The following DEK variants were observed in gnomAD, a reference collection of about 807,000 sequenced individuals.
DEK encodes DEK proto-oncogene.
Under a neutral mutation model 46.8 loss-of-function variants are expected in DEK, and 28 were observed. The ratio of observed to expected loss-of-function variants is 0.60; its 90% CI spans 0.44 to 0.82. DEK has a LOEUF of 0.82. Ranked by LOEUF, DEK falls within the 40% of genes least tolerant of loss-of-function variation. The probability of loss-of-function intolerance (pLI) is 0.00; values close to 1 mark genes in which losing one functional copy is unlikely to be tolerated. For missense variants in DEK, 416 were observed against 430.6 expected (o/e 0.97, Z 0.30); for synonymous variants, 160 against 144.5 (o/e 1.11, Z -0.77).
intron 6 of DEK, among the ~76,000 whole-genome samples, chr6:18,251,593 C>T (rs1295509550): frequency 6.6e-6 from 1 of 152,166 alleles, no homozygotes; most frequent in African/African-American, 2.4e-5. Context: ...TATAAGAAAT[C>T]GTGAATGCAT....
intron 9 of DEK, among the ~76,000 whole-genome samples, chr6:18,235,527 T>C (rs1445448740): frequency 6.6e-6 from 1 of 152,234 alleles, no homozygotes; most frequent in Non-Finnish European, 1.5e-5. Flanking sequence ...GTACCTTCCA[T>C]ATTCTAACAC....
intron 6 of DEK, among the ~76,000 whole-genome samples, chr6:18,255,441 G>T (rs1791557539): frequency 1.3e-5 from 2 of 152,012 alleles, no homozygotes; most frequent in South Asian, 4.1e-4. Flanking sequence ...TATTCTTCCA[G>T]TGTCTTCTAG....
intron 7 of DEK, chr6:18,244,706 G>A (rs1791034845): frequency 2.2e-6 from 1 of 445,868 alleles, no homozygotes; most frequent in South Asian, 2.1e-5. Flanking sequence ...GAATGTGCAA[G>A]TCTAGTTATA....
At chr6:18,228,730 C>T (rs774807863) in intron 9 of DEK, among the ~76,000 whole-genome samples, 24 of 152,240 alleles carry the variant, frequency 1.6e-4, no homozygotes, top group Non-Finnish European at 3.1e-4. Flanking sequence ...GATTATATCC[C>T]GCGCCTGGCT....
intron 7 of DEK, among the ~76,000 whole-genome samples, chr6:18,238,814 A>G (rs1470436413): frequency 6.6e-6 from 1 of 152,216 alleles, no homozygotes; most frequent in African/African-American, 2.4e-5. Context: ...ACATTCCAAG[A>G]TATTTTAAAT....
chr6:18,243,698 G>A (rs998037630), intron 7 of DEK, among the ~76,000 whole-genome samples: 8 of 152,184 alleles, frequency 5.3e-5, no homozygotes, highest in African/African-American at 1.9e-4. Flanking sequence ...ATAATGCTAA[G>A]TATCAAATGG....
intron 6 of DEK, among the ~76,000 whole-genome samples, chr6:18,251,436 T>C (rs1791370867): frequency 1.3e-5 from 2 of 152,288 alleles, no homozygotes; most frequent in South Asian, 4.1e-4. Flanking sequence ...AATATGGTAC[T>C]CTTGAGCTCT....
At chr6:18,263,274 T>C (rs1171577688) in intron 2 of DEK, among the ~76,000 whole-genome samples, 2 of 152,182 alleles carry the variant, frequency 1.3e-5, no homozygotes, top group Non-Finnish European at 2.9e-5. Context: ...AGAGTTCACT[T>C]TCTTCATTTT....
At position 18,263,934 on chromosome 6, in the gene DEK, C is replaced by T. The variant is rs371414180; in HGVS notation, c.54G>A (p.Ala18=). ...AEGEGTPTQP[A]SEKEPEMPGP... ...CGGGCATTTCGGGTTCTTTCTCGGA[C>T]GCGGGCTGGGTGGGGGTTCCCTCCC... is the stretch of plus-strand genomic sequence containing the variant. Residue 18 remains alanine (A), a synonymous_variant, in exon 2 of 11, where the codon GCG becomes GCA. Coordinates refer to ENST00000652689, the MANE Select transcript of DEK (RefSeq NM_003472.4). The T allele has an allele frequency of 7.4e-6, 12 of 1,613,458 alleles. No individual in the cohort carries two copies. Among genetic ancestry groups the T allele is most frequent in the Middle Eastern group, 3.3e-4 (2 of 6,056 alleles).
chr6:18,235,132 T>C (rs1790592665), intron 9 of DEK, among the ~76,000 whole-genome samples: 1 of 152,210 alleles, frequency 6.6e-6, no homozygotes, highest in Non-Finnish European at 1.5e-5. Context: ...TCCTTTGCTA[T>C]TGCATTGTTC....
chr6:18,255,004 C>A (rs1242234991), intron 6 of DEK, among the ~76,000 whole-genome samples: 1 of 152,106 alleles, frequency 6.6e-6, no homozygotes. Flanking sequence ...CCCCTGAACT[C>A]CTAGGCCTGC....
chr6:18,231,963 C>T (rs550861430), intron 9 of DEK, among the ~76,000 whole-genome samples: 1 of 152,286 alleles, frequency 6.6e-6, no homozygotes, highest in South Asian at 2.1e-4. Flanking sequence ...CAAAAATCCT[C>T]AATACAATAC....
Position 18,247,756 on chromosome 6 carries a change from C to G in DEK, c.762+1895G>C, listed in dbSNP as rs537945928. ...GTGCGATCTCAGCTCACTGCAACCT[C>G]TGCCTCCCCGGTTCAAGCAATTCTC... On this transcript the variant is annotated intron_variant, in intron 7 of 10. Coordinates refer to ENST00000652689, the MANE Select transcript of DEK (RefSeq NM_003472.4). Among the ~76,000 whole-genome samples, 4 of 152,184 alleles carry G rather than the reference C, an allele frequency of 2.6e-5. No individual in the cohort carries two copies. In the South Asian group the frequency reaches 8.3e-4, roughly 32 times the overall value.
chr6:18,257,080 T>C, intron 4 of DEK, among the ~76,000 whole-genome samples: 1 of 152,326 alleles, frequency 6.6e-6, no homozygotes, highest in East Asian at 1.9e-4. Flanking sequence ...TTATATAATA[T>C]ACTAAGTCAT....
At chr6:18,236,667 G>T in intron 8 of DEK, 67 bp from the exon 9 acceptor site, 1 of 1,161,430 alleles carries the variant, frequency 8.6e-7, no homozygotes, top group Non-Finnish European at 1.1e-6. Flanking sequence ...AGGCTGAGAT[G>T]AATTTTAAGC....
At chr6:18,242,919 T>C (rs1240489336) in intron 7 of DEK, among the ~76,000 whole-genome samples, 1 of 152,142 alleles carries the variant, frequency 6.6e-6, no homozygotes, top group Non-Finnish European at 1.5e-5. Context: ...CTGTCAAACC[T>C]CAAACTGCGA....
chr6:18,236,598 T>C lies in DEK; in HGVS notation c.901A>G (p.Ser301Gly). ...TCATCTGAACTATCCTCAGACTCACTTTCTAAAAGTAATATAATAATAATA... is the reference window on the plus strand; with the variant it reads ...TCATCTGAACTATCCTCAGACTCACCTTCTAAAAGTAATATAATAATAATA... The part of the protein sequence containing the change: ...KKNQNSSKKE[S>G]ESEDSSDDEP... The change falls in exon 9 of 11, where the codon AGT (serine) becomes GGT (glycine). Residue 301 changes from serine (S) to glycine (G), a missense_variant and splice_region_variant. Transcript: ENST00000652689. The C allele has an allele frequency of 6.7e-7, 1 of 1,486,282 alleles. No individual in the cohort carries two copies. The highest frequency in any genetic ancestry group is 8.9e-7 in the Non-Finnish European group (1 of 1,118,314). 92.1% of individuals were successfully genotyped at this position (1,486,282 alleles called of 1,614,324 possible).
In DEK at chr6:18,263,972, G is replaced by A. The variant is rs762608252; in HGVS notation, c.16C>T (p.Pro6Ser). ...GGGGTTCCCTCCCCCTCCGCAGCAGGGGCCGAGGCGGACATGCTGTGAACC... is the reference window on the plus strand; with the variant it reads ...GGGGTTCCCTCCCCCTCCGCAGCAGAGGCCGAGGCGGACATGCTGTGAACC... MSASA[P>S]AAEGEGTPTQ... Residue 6 changes from proline (P) to serine (S), a missense_variant, in exon 2 of 11, where the codon CCT becomes TCT. Pro to Ser is a moderately conservative substitution (Grantham distance 74). Coordinates refer to ENST00000652689, the MANE Select transcript of DEK (RefSeq NM_003472.4). 12 of 1,610,656 alleles carry A rather than the reference G, an allele frequency of 7.5e-6. No homozygotes were observed. Among genetic ancestry groups the A allele is most frequent in the South Asian group, 6.6e-5 (6 of 90,816 alleles).
At position 18,224,970 on chromosome 6, in the gene DEK, A is replaced by C. The variant is rs183912065; in HGVS notation, c.*749T>G. On this transcript the variant is annotated 3_prime_UTR_variant, in exon 11 of 11. Coordinates refer to ENST00000652689, the MANE Select transcript of DEK (RefSeq NM_003472.4). The stretch of plus-strand genomic sequence containing the variant: ...GGCAAAGCAGGGTAACTGTTCCTTC[A>C]GTGTTGCCATCACTGAATTGACTTT... 1 of 217,174 alleles carries C rather than the reference A, an allele frequency of 4.6e-6. No homozygotes were observed. Among genetic ancestry groups the C allele is most frequent in the Admixed American group, 5.8e-5 (1 of 17,206 alleles). 13.5% of individuals were successfully genotyped at this position (217,174 alleles called of 1,614,324 possible).
Sources: allele counts gnomAD v4.1 joint callset (sites outside exome capture counted in the v4.1 genomes callset), GRCh38; gene constraint gnomAD v4.1.1; transcripts MANE v1.5; gene names NCBI Gene and HGNC (gene_info 2026-07-23, HGNC 2026-07-21).